Variants in UNC13C observed in about 807,000 individuals in gnomAD.
The protein encoded by UNC13C is protein unc-13 homolog C.
Under a neutral mutation model 245.4 loss-of-function variants are expected in UNC13C, and 174 were observed. The ratio of observed to expected loss-of-function variants is 0.71; its 90% CI spans 0.63 to 0.80. The LOEUF (loss-of-function observed/expected upper bound fraction) is 0.80, where lower values mean the gene tolerates loss of function less well. UNC13C is among the 30% of genes least tolerant of loss of function. The pLI is 0.00. For missense variants in UNC13C, 2,829 were observed against 2,602.9 expected (o/e 1.09, Z -1.89); for synonymous variants, 992 against 895.1 (o/e 1.11, Z -1.93).
intron 10 of UNC13C, among the ~76,000 whole-genome samples, chr15:54,290,455 C>T (rs1169364521): frequency 3.3e-5 from 5 of 151,954 alleles, no homozygotes; most frequent in African/African-American, 1.2e-4. Flanking sequence ...CTCAAACTCC[C>T]AAGACAAATT....
chr15:54,597,197 G>A (rs1293845777), intron 30 of UNC13C, among the ~76,000 whole-genome samples: 3 of 152,166 alleles, frequency 2.0e-5, no homozygotes, highest in Non-Finnish European at 4.4e-5. Context: ...AGGTGGTAAT[G>A]CTCACTTGCC....
At chr15:54,421,438 C>T (rs752497290) in intron 19 of UNC13C, among the ~76,000 whole-genome samples, 13 of 152,008 alleles carry the variant, frequency 8.6e-5, no homozygotes, top group Non-Finnish European at 1.8e-4. Context: ...ACCCCAGGTT[C>T]AAAACTTTTG....
the UNC13C span, among the ~76,000 whole-genome samples, chr15:53,849,874 C>T: frequency 6.6e-6 from 1 of 152,130 alleles, no homozygotes; most frequent in Admixed American, 6.6e-5. Context: ...ATATGCTACA[C>T]ATACATATGT....
the UNC13C span, among the ~76,000 whole-genome samples, chr15:53,890,441 A>G: frequency 6.6e-6 from 1 of 152,078 alleles, no homozygotes; most frequent in African/African-American, 2.4e-5. Flanking sequence ...GCGCCCAGCT[A>G]CCAGTTCCTC....
At chr15:53,976,475 C>CTTTTTTTTTTTT (rs879775519), upstream of UNC13C, among the ~76,000 whole-genome samples, 486 of 63,456 alleles carry the variant, frequency 7.7e-3, 4 homozygotes, top group South Asian at 0.015. Flanking sequence ...CTCTCTCTCT[C>CTTTTTTTTTTTT]TCTTTTTTTT....
chr15:54,570,318 C>A (rs8023918), intron 30 of UNC13C, among the ~76,000 whole-genome samples: 59,491 of 151,986 alleles, frequency 0.39, 12,024 homozygotes, highest in East Asian at 0.57. Flanking sequence ...CTAAAGCCCA[C>A]CTTCCTCTTG....
intron 4 of UNC13C, among the ~76,000 whole-genome samples, chr15:54,224,697 C>T (rs910241963): frequency 6.6e-6 from 1 of 151,998 alleles, no homozygotes; most frequent in African/African-American, 2.4e-5. Flanking sequence ...TACATTATTT[C>T]TCAGAGTAGT....
At chr15:54,196,610 A>G (rs2034361661) in intron 4 of UNC13C, among the ~76,000 whole-genome samples, 1 of 152,208 alleles carries the variant, frequency 6.6e-6, no homozygotes, top group Non-Finnish European at 1.5e-5. Flanking sequence ...CAACAATTGT[A>G]TAAAAGACAA....
intron 10 of UNC13C, among the ~76,000 whole-genome samples, chr15:54,291,699 A>G (rs545742428): frequency 6.6e-6 from 1 of 152,136 alleles, no homozygotes; most frequent in African/African-American, 2.4e-5. Context: ...TAGATAAAGT[A>G]ACTGAGATTT....
chr15:54,485,226 T>G (rs1448538971), intron 19 of UNC13C, among the ~76,000 whole-genome samples: 3 of 152,192 alleles, frequency 2.0e-5, no homozygotes, highest in African/African-American at 7.2e-5. Context: ...GAAATGGAAA[T>G]GGCAAAGAAA....
At chr15:54,455,401 GT>G (rs1397081400) in intron 19 of UNC13C, among the ~76,000 whole-genome samples, 2 of 150,634 alleles carry the variant, frequency 1.3e-5, no homozygotes, top group African/African-American at 2.4e-5. Flanking sequence ...GGATCAAATG[GT>G]AGTTCTACCT....
chr15:54,296,789 T>A (rs1487233027), intron 11 of UNC13C, among the ~76,000 whole-genome samples: 3 of 152,220 alleles, frequency 2.0e-5, no homozygotes, highest in African/African-American at 7.2e-5. Context: ...AATCCTATTT[T>A]CATTTGTGAA....
At chr15:53,875,098 A>T in the UNC13C span, among the ~76,000 whole-genome samples, 15 of 137,748 alleles carry the variant, frequency 1.1e-4, no homozygotes, top group African/African-American at 2.9e-4. Context: ...TCTCAAAATT[A>T]AAAAAAAAAT....
At chr15:54,630,385 CT>C (rs960752465), downstream of UNC13C, 29 of 151,872 alleles carry the variant, frequency 1.9e-4, no homozygotes, top group African/African-American at 7.0e-4. Context: ...TTTATTTGGT[CT>C]TTTTTAAAAA....
chr15:54,150,134 G>C lies in UNC13C; in HGVS notation c.3071+6450G>C, dbSNP rs772061895. On this transcript the variant is annotated intron_variant, in intron 4 of 32. Coordinates refer to ENST00000260323, the MANE Select transcript of UNC13C (RefSeq NM_001080534.3). ...TGGTAAAGTATTATCACTGTTTTTAGTGTTTCTATTTTTTTGGTATCAGTT... is the reference window on the plus strand; with the variant it reads ...TGGTAAAGTATTATCACTGTTTTTACTGTTTCTATTTTTTTGGTATCAGTT... 3.3e-5 allele frequency among the ~76,000 whole-genome samples: 5 copies of C among 151,992 alleles called. 1 individual carries two copies. The South Asian group carries it at 1.0e-3, about 32-fold the overall frequency.
In UNC13C at chr15:54,030,891, C is replaced by A. The variant is rs114190816; in HGVS notation, c.2983+15005C>A. The stretch of plus-strand genomic sequence containing the variant: ...TCCTATTTGTGAGGGCAGAGCCCTC[C>A]TGATTTTATTACTACCTTCTAATAC... On this transcript the variant is annotated intron_variant, in intron 2 of 32. Transcript: ENST00000260323. Among the ~76,000 whole-genome samples the A allele has an allele frequency of 7.6e-3, 1,154 of 152,298 alleles. 20 individuals are homozygous for A. The highest frequency in any genetic ancestry group is 0.027 in the African/African-American group (1,105 of 41,564).
At chr15:54,108,354 T>G (rs534622056) in intron 2 of UNC13C, among the ~76,000 whole-genome samples, 7 of 151,936 alleles carry the variant, frequency 4.6e-5, no homozygotes, top group Non-Finnish European at 7.4e-5. Flanking sequence ...GCCTGGCTAA[T>G]TTTTTTGTAT....
chr15:54,580,765 G>C (rs922259631), intron 30 of UNC13C, among the ~76,000 whole-genome samples: 12 of 152,274 alleles, frequency 7.9e-5, no homozygotes, highest in African/African-American at 1.4e-4. Context: ...CATTAAGAGA[G>C]ACCCCTCAGG....
rs1356444073 is a variant in UNC13C at position 53,985,706 on chromosome 15, G to T, written c.-257+6779G>T. On this transcript the variant is annotated intron_variant, in intron 1 of 32. Coordinates refer to ENST00000260323, the MANE Select transcript of UNC13C (RefSeq NM_001080534.3). Reference sequence around the variant, plus strand: ...TGGAAGACGGATTTTTATTAGTAGGGGAGCTGCCTACCTGATGTCATAACC... The same window carrying T: ...TGGAAGACGGATTTTTATTAGTAGGTGAGCTGCCTACCTGATGTCATAACC... Among the ~76,000 whole-genome samples, 5 of 151,888 alleles carry T rather than the reference G, an allele frequency of 3.3e-5. No individual in the cohort carries two copies. In the South Asian group the frequency reaches 1.0e-3, roughly 32 times the overall value.
Sources: gnomAD v4.1 joint callset for allele counts (sites outside exome capture counted in the v4.1 genomes callset) on GRCh38, gnomAD v4.1.1 for gene constraint, MANE v1.5 for transcripts, NCBI Gene and HGNC (gene_info 2026-07-23, HGNC 2026-07-21) for gene names.